The following AUTS2 variants were observed in gnomAD, a reference collection of about 807,000 sequenced individuals.
The protein encoded by AUTS2 is autism susceptibility gene 2 protein.
In AUTS2, 17 loss-of-function variants were observed where a neutral mutation model predicts 112.4. The observed-to-expected ratio is 0.15, with a 90% CI of 0.10 to 0.23. The LOEUF (loss-of-function observed/expected upper bound fraction) is 0.23, where lower values mean the gene tolerates loss of function less well. Ranked by LOEUF, AUTS2 falls within the 10% of genes least tolerant of loss-of-function variation. The probability of loss-of-function intolerance (pLI) is 1.00; values close to 1 mark genes in which losing one functional copy is unlikely to be tolerated. For synonymous variants in AUTS2, 751 were observed against 702.7 expected (o/e 1.07, Z -1.09); for missense variants, 1,510 against 1,701.6 (o/e 0.89, Z 1.98).
chr7:69,803,162 T>C (rs1486093434), intron 1 of AUTS2, among the ~76,000 whole-genome samples: 4 of 152,218 alleles, frequency 2.6e-5, no homozygotes, highest in Admixed American at 6.5e-5. Flanking sequence ...AGCAGAATTA[T>C]AAATACCTGC....
At chr7:70,067,706 G>T (rs968868401) in intron 2 of AUTS2, among the ~76,000 whole-genome samples, 1 of 152,104 alleles carries the variant, frequency 6.6e-6, no homozygotes, top group South Asian at 2.1e-4. Flanking sequence ...AATGAAATTA[G>T]CTGGGAGTGG....
rs2129578663 is a variant in AUTS2, at chr7:70,170,295, G to A, written c.660+35724G>A. ...CCACCTCAGCCTCCCAAGTAGCTGGGTCTACAGGCATATACCACCGCTAAT... is the reference window on the plus strand; with the variant it reads ...CCACCTCAGCCTCCCAAGTAGCTGGATCTACAGGCATATACCACCGCTAAT... On this transcript the variant is annotated intron_variant, in intron 4 of 18. Coordinates refer to ENST00000342771, the MANE Select transcript of AUTS2 (RefSeq NM_015570.4). Among the ~76,000 whole-genome samples, 2 of 151,374 alleles carry A rather than the reference G, an allele frequency of 1.3e-5. 1 individual carries two copies. The highest frequency in any genetic ancestry group is 1.3e-4 in the Admixed American group (2 of 15,176).
At chr7:70,639,616 CA>C (rs5884790) in intron 5 of AUTS2, among the ~76,000 whole-genome samples, 239 of 75,050 alleles carry the variant, frequency 3.2e-3, no homozygotes, top group African/African-American at 9.3e-3. Flanking sequence ...GACCCTGTCT[CA>C]AAAAAAAAAA....
chr7:69,779,758 CA>C (rs1171767088), intron 1 of AUTS2, among the ~76,000 whole-genome samples: 2 of 128,360 alleles, frequency 1.6e-5, no homozygotes, highest in African/African-American at 6.0e-5. Context: ...AACGAGACTC[CA>C]TCTCAAAAAA....
At chr7:70,289,709 T>TTCTA (rs1788624193) in intron 4 of AUTS2, among the ~76,000 whole-genome samples, 1 of 152,204 alleles carries the variant, frequency 6.6e-6, no homozygotes, top group South Asian at 2.1e-4. Flanking sequence ...GAGGATTAGA[T>TTCTA]GATTTTGGGC....
At chr7:70,270,968 C>T (rs1470889567) in intron 4 of AUTS2, among the ~76,000 whole-genome samples, 1 of 152,080 alleles carries the variant, frequency 6.6e-6, no homozygotes, top group African/African-American at 2.4e-5. Flanking sequence ...GGGCAAGCCT[C>T]GTGCTTGCAG....
chr7:70,633,886 G>A (rs1211696695), intron 5 of AUTS2, among the ~76,000 whole-genome samples: 1 of 152,156 alleles, frequency 6.6e-6, no homozygotes, highest in Non-Finnish European at 1.5e-5. Flanking sequence ...GTGGAGAAAT[G>A]TTCATCATTG....
chr7:70,378,182 A>G (rs1329437080), intron 4 of AUTS2, among the ~76,000 whole-genome samples: 3 of 152,166 alleles, frequency 2.0e-5, no homozygotes, highest in Non-Finnish European at 4.4e-5. Context: ...CATTTTATCT[A>G]TTCACTTATG....
Position 70,781,748 on chromosome 7 carries a change from C to T in AUTS2, c.2138C>T (p.Ser713Phe). ...CTGGCACGGCCTTCAACTTTGTTCTCTGCCGCTGGTGAGTGTGGGTTTGGG... is the reference window on the plus strand; with the variant it reads ...CTGGCACGGCCTTCAACTTTGTTCTTTGCCGCTGGTGAGTGTGGGTTTGGG... Reference protein sequence around the residue: ...HDLARPSTLFSAAGAAHPTGT... With the variant: ...HDLARPSTLFFAAGAAHPTGT... Residue 713 changes from serine to phenylalanine, a missense_variant, in exon 15 of 19, where the codon TCT becomes TTT. Ser to Phe is a radical substitution (Grantham distance 155, BLOSUM62 -2). Around this residue, in one of 3 missense-constraint regions of AUTS2, gnomAD observed 788 missense variants for 797.6 expected, o/e 0.99. Coordinates refer to ENST00000342771, the MANE Select transcript of AUTS2 (RefSeq NM_015570.4). 1 of 1,614,084 alleles carries T rather than the reference C, an allele frequency of 6.2e-7. No individual in the cohort carries two copies.
At chr7:69,774,128 C>T (rs917448041) in intron 1 of AUTS2, among the ~76,000 whole-genome samples, 2 of 152,186 alleles carry the variant, frequency 1.3e-5, no homozygotes, top group African/African-American at 4.8e-5. Flanking sequence ...CAAAGATGTC[C>T]AGGGCTGGGA....
intron 2 of AUTS2, among the ~76,000 whole-genome samples, chr7:69,937,155 T>G (rs1410293263): frequency 1.3e-5 from 2 of 152,216 alleles, no homozygotes; most frequent in East Asian, 3.8e-4. Context: ...CCAGCCTCCC[T>G]CCAGGTTGTT....
At chr7:70,097,275 T>A (rs535396406) in intron 2 of AUTS2, among the ~76,000 whole-genome samples, 1 of 152,352 alleles carries the variant, frequency 6.6e-6, no homozygotes, top group East Asian at 1.9e-4. Flanking sequence ...TGTATTTGCA[T>A]GAACGGAGAT....
chr7:70,447,888 GT>G (rs1407239313), intron 5 of AUTS2, among the ~76,000 whole-genome samples: 3 of 152,182 alleles, frequency 2.0e-5, no homozygotes, highest in African/African-American at 4.8e-5. Flanking sequence ...TGCTTGAAAG[GT>G]ATTTATTTTG....
chr7:70,021,641 G>T (rs551716130), intron 2 of AUTS2, among the ~76,000 whole-genome samples: 1 of 152,168 alleles, frequency 6.6e-6, no homozygotes, highest in Non-Finnish European at 1.5e-5. Context: ...AGGTTATTTC[G>T]TAAGGCTGTG....
chr7:70,506,384 A>G (rs1798961819), intron 5 of AUTS2, among the ~76,000 whole-genome samples: 1 of 152,240 alleles, frequency 6.6e-6, no homozygotes, highest in African/African-American at 2.4e-5. Context: ...ACAGGGCTAC[A>G]ACAAATGAAA....
At chr7:70,625,287 T>G (rs1165977963) in intron 5 of AUTS2, among the ~76,000 whole-genome samples, 1 of 152,200 alleles carries the variant, frequency 6.6e-6, no homozygotes, top group Non-Finnish European at 1.5e-5. Context: ...TGCATATTCT[T>G]AGCAGTAAAT....
chr7:70,719,088 G>T (rs1810530149), intron 6 of AUTS2, among the ~76,000 whole-genome samples: 1 of 152,096 alleles, frequency 6.6e-6, no homozygotes, highest in South Asian at 2.1e-4. Flanking sequence ...TTAACCCATG[G>T]AACCCTCACA....
intron 5 of AUTS2, among the ~76,000 whole-genome samples, chr7:70,480,186 T>C (rs1797734956): frequency 6.6e-6 from 1 of 152,230 alleles, no homozygotes; most frequent in Admixed American, 6.5e-5. Flanking sequence ...GGGAAAAAAC[T>C]AGACGGATAT....
At chr7:69,869,330 A>G (rs1348521916) in intron 1 of AUTS2, among the ~76,000 whole-genome samples, 3 of 152,050 alleles carry the variant, frequency 2.0e-5, no homozygotes, top group Non-Finnish European at 4.4e-5. Context: ...CTTCATTAGC[A>G]TCTCCTGCCT....
Sources: allele counts gnomAD v4.1 joint callset (sites outside exome capture counted in the v4.1 genomes callset), GRCh38; gene constraint gnomAD v4.1.1; regional missense constraint gnomAD v4.1.1; transcripts MANE v1.5; gene names NCBI Gene and HGNC (gene_info 2026-07-23, HGNC 2026-07-21).